Variants in TMC7 observed in about 807,000 individuals in gnomAD.
The protein encoded by TMC7 is transmembrane channel-like protein 7.
A neutral mutation model predicts 82.9 loss-of-function variants in TMC7; 54 were observed. The ratio of observed to expected loss-of-function variants is 0.65; its 90% CI spans 0.52 to 0.82. The LOEUF is 0.82. Ranked by LOEUF, TMC7 falls within the 40% of genes least tolerant of loss-of-function variation. The pLI is 0.00. For missense variants in TMC7, 820 were observed against 901.2 expected, an observed-to-expected ratio of 0.91 and a Z score of 1.15; for synonymous variants, 350 against 337.9, an observed-to-expected ratio of 1.04 and a Z score of -0.39.
At position 18,983,986 on chromosome 16, in the gene TMC7, G is replaced by A. The variant is rs2038795453; in HGVS notation, c.-78G>A. ...GAACCTGGAATCCCGGCTCCGCGAG[G>A]GAAGGCCGGGGAGGCGGCGGCGGCG... On this transcript the variant is annotated 5_prime_UTR_variant, in exon 1 of 16. Coordinates refer to ENST00000304381, the MANE Select transcript of TMC7 (RefSeq NM_024847.4). The A allele has an allele frequency of 2.3e-6, 3 of 1,327,814 alleles. No individual in the cohort carries two copies. Among genetic ancestry groups the A allele is most frequent in the Non-Finnish European group, 2.9e-6 (3 of 1,038,632 alleles). The allele number at this position is 1,327,814 out of a possible 1,614,324, so 82.3% of individuals were successfully genotyped here.
At chr16:18,992,373 C>T (rs561649585) in intron 1 of TMC7, among the ~76,000 whole-genome samples, 3 of 152,156 alleles carry the variant, frequency 2.0e-5, no homozygotes, top group Non-Finnish European at 2.9e-5. Context: ...TTTCATGTGT[C>T]TGTTGGCTTC....
chr16:19,049,278 C>T (rs1161824599), intron 12 of TMC7, among the ~76,000 whole-genome samples: 1 of 152,172 alleles, frequency 6.6e-6, no homozygotes, highest in Non-Finnish European at 1.5e-5. Context: ...CCTGCCTTGG[C>T]CTCCCAAAGT....
chr16:19,024,975 C>T (rs1960155207), intron 5 of TMC7, among the ~76,000 whole-genome samples: 1 of 152,122 alleles, frequency 6.6e-6, no homozygotes. Flanking sequence ...CACTGCACTC[C>T]AGCCTGGGCA....
rs1960629344 is a variant in TMC7 at position 19,033,989 on chromosome 16, G to C, written c.858-1687G>C. Reference sequence around the variant, plus strand: ...AAAATAACCTCTTTCATCTACAGAGGACTGTGCATGGCATCTGGTGTTTTA... The same window carrying C: ...AAAATAACCTCTTTCATCTACAGAGCACTGTGCATGGCATCTGGTGTTTTA... On this transcript the variant is annotated intron_variant, in intron 6 of 15. Coordinates refer to ENST00000304381, the MANE Select transcript of TMC7 (RefSeq NM_024847.4). 2.0e-5 allele frequency among the ~76,000 whole-genome samples: 3 copies of C among 152,176 alleles called. No homozygotes were observed. In the South Asian group the frequency reaches 6.2e-4, roughly 31 times the overall value.
intron 5 of TMC7, among the ~76,000 whole-genome samples, chr16:19,029,205 C>T (rs1960386260): frequency 6.6e-6 from 1 of 151,594 alleles, no homozygotes; most frequent in South Asian, 2.1e-4. Flanking sequence ...CGGGGTTTCA[C>T]TGTGTTAGCC....
intron 1 of TMC7, among the ~76,000 whole-genome samples, chr16:18,987,881 G>A (rs182059052): frequency 9.8e-5 from 15 of 152,304 alleles, no homozygotes; most frequent in African/African-American, 3.6e-4. Context: ...GCCTTGATAT[G>A]ACTGTGGTTG....
In TMC7 at chr16:19,063,300, C is replaced by A. The variant is rs1369369949; in HGVS notation, c.*1457C>A. On this transcript the variant is annotated 3_prime_UTR_variant, in exon 16 of 16. Transcript: ENST00000304381. ...GGGCACAGTGGCTCATGCCTGCAAT[C>A]CCAGAACTTTGGGAGTCCAAGGAGG... is the stretch of plus-strand genomic sequence containing the variant. 6.6e-6 allele frequency: 1 copy of A among 152,204 alleles called. No homozygotes were observed. The highest frequency in any genetic ancestry group is 1.5e-5 in the Non-Finnish European group (1 of 68,060). The allele number at this position is 152,204 out of a possible 1,614,324, so 9.4% of individuals were successfully genotyped here.
rs1297518320 is a variant in TMC7 at position 19,057,873 on chromosome 16, C to G, written c.2027+1176C>G. Among the ~76,000 whole-genome samples the G allele has an allele frequency of 2.6e-5, 4 of 152,188 alleles. No individual in the cohort carries two copies. In the East Asian group the frequency reaches 7.7e-4, roughly 29 times the overall value. Reference sequence around the variant, plus strand: ...CTTGCCCTCCATTCCATTTGCCCCTCTCCCCAAATATAATAACTTTAACCA... The same window carrying G: ...CTTGCCCTCCATTCCATTTGCCCCTGTCCCCAAATATAATAACTTTAACCA... On this transcript the variant is annotated intron_variant, in intron 14 of 15. Coordinates refer to ENST00000304381, the MANE Select transcript of TMC7 (RefSeq NM_024847.4).
intron 9 of TMC7, among the ~76,000 whole-genome samples, chr16:19,042,593 C>T (rs1188614188): frequency 6.6e-6 from 1 of 151,332 alleles, no homozygotes; most frequent in Non-Finnish European, 1.5e-5. Flanking sequence ...CTGCAAGCTC[C>T]GCCTCCCGGG....
In TMC7 at chr16:19,045,410, G is replaced by T; in HGVS notation, c.1525G>T (p.Val509Leu). The change falls in exon 11 of 16, where the codon GTG becomes TTG. Residue 509 changes from valine to leucine, a missense_variant. By Grantham distance (32) the Val-to-Leu change is conservative. Coordinates refer to ENST00000304381, the MANE Select transcript of TMC7 (RefSeq NM_024847.4). ...MIFDFIIILAVTLFVDFPRKL... is the reference protein window; with the variant it reads ...MIFDFIIILALTLFVDFPRKL... ...CTTCGACTTCATCATCATCTTGGCTGTGACACTCTTCGTGGATTTTCCTAG... is the reference window on the plus strand; with the variant it reads ...CTTCGACTTCATCATCATCTTGGCTTTGACACTCTTCGTGGATTTTCCTAG... 6.2e-7 allele frequency: 1 copy of T among 1,613,862 alleles called. No homozygotes were observed. Among genetic ancestry groups the T allele is most frequent in the Non-Finnish European group, 8.5e-7 (1 of 1,179,966 alleles).
At chr16:19,051,898 A>AG in intron 13 of TMC7, 82 bp downstream of exon 13, 1 of 1,312,646 alleles carries the variant, frequency 7.6e-7, no homozygotes. Context: ...GTCATATCAC[A>AG]TTTTTTTTTT....
intron 6 of TMC7, among the ~76,000 whole-genome samples, chr16:19,035,214 A>T (rs1380317288): frequency 6.6e-6 from 1 of 152,218 alleles, no homozygotes; most frequent in Non-Finnish European, 1.5e-5. Context: ...TATTAGTGGG[A>T]GTTAAACATT....
intron 2 of TMC7, among the ~76,000 whole-genome samples, chr16:19,015,521 T>G (rs1959638848): frequency 6.6e-6 from 1 of 152,200 alleles, no homozygotes; most frequent in Non-Finnish European, 1.5e-5. Context: ...TTGGATTGTT[T>G]CTACCTTTTG....
chr16:19,007,764 C>G (rs1443090318), intron 1 of TMC7, among the ~76,000 whole-genome samples: 1 of 151,800 alleles, frequency 6.6e-6, no homozygotes, highest in Non-Finnish European at 1.5e-5. Context: ...ACCTCTGTCC[C>G]CTGACACCAC....
At chr16:19,047,953 C>A (rs1961362646) in intron 12 of TMC7, among the ~76,000 whole-genome samples, 1 of 151,926 alleles carries the variant, frequency 6.6e-6, no homozygotes, top group Non-Finnish European at 1.5e-5. Context: ...CCCGCCTCGG[C>A]CTCCCAAAGT....
At chr16:19,014,876 A>G (rs1959596686) in intron 2 of TMC7, among the ~76,000 whole-genome samples, 1 of 152,204 alleles carries the variant, frequency 6.6e-6, no homozygotes, top group Admixed American at 6.5e-5. Context: ...ATATTTATGG[A>G]CACTGAAATT....
intron 1 of TMC7, among the ~76,000 whole-genome samples, chr16:19,008,641 G>A (rs186472458): frequency 5.9e-5 from 9 of 152,148 alleles, no homozygotes; most frequent in Non-Finnish European, 1.3e-4. Flanking sequence ...CAGATCAGGA[G>A]GCCAGCCCAG....
intron 6 of TMC7, among the ~76,000 whole-genome samples, chr16:19,033,307 T>C (rs1960601882): frequency 6.6e-6 from 1 of 152,180 alleles, no homozygotes; most frequent in African/African-American, 2.4e-5. Context: ...ATCATCAAAG[T>C]AGCACCAGTT....
chr16:19,036,352 A>C (rs1960746954), intron 7 of TMC7, among the ~76,000 whole-genome samples: 1 of 152,184 alleles, frequency 6.6e-6, no homozygotes, highest in African/African-American at 2.4e-5. Context: ...TACTAAAAAT[A>C]CAAAAAATTA....
Sources: gnomAD v4.1 joint callset for allele counts (sites outside exome capture counted in the v4.1 genomes callset) on GRCh38, gnomAD v4.1.1 for gene constraint, MANE v1.5 for transcripts, NCBI Gene and HGNC (gene_info 2026-07-23, HGNC 2026-07-21) for gene names.